POLE2: variants seen among roughly 807,000 people sequenced by gnomAD.
The protein encoded by POLE2 is DNA polymerase epsilon 2, accessory subunit.
In POLE2, 56 loss-of-function variants were observed where a neutral mutation model predicts 79.4. The observed-to-expected ratio is 0.71, with a 90% CI of 0.57 to 0.88. The LOEUF is 0.88. Ranked by LOEUF, POLE2 falls within the 40% of genes least tolerant of loss-of-function variation. The pLI is 0.00. For missense variants in POLE2, 598 were observed against 638.9 expected (o/e 0.94, Z 0.69); for synonymous variants, 212 against 214.0 (o/e 0.99, Z 0.08).
chr14:49,668,554 A>C (rs1044879718), intron 6 of POLE2, among the ~76,000 whole-genome samples: 1 of 152,216 alleles, frequency 6.6e-6, no homozygotes, highest in African/African-American at 2.4e-5. Flanking sequence ...GATATTATAC[A>C]GGTAGATAAA....
At chr14:49,687,056 C>T (rs970028422) in intron 1 of POLE2, among the ~76,000 whole-genome samples, 2 of 151,918 alleles carry the variant, frequency 1.3e-5, no homozygotes, top group South Asian at 2.1e-4. Flanking sequence ...GGCCACGGCG[C>T]GAGGACTACT....
At chr14:49,644,364 G>T (rs1883608360) in intron 18 of POLE2, among the ~76,000 whole-genome samples, 2 of 151,222 alleles carry the variant, frequency 1.3e-5, no homozygotes, top group South Asian at 4.2e-4. Flanking sequence ...TAAAAAATTA[G>T]CCAGGTATGG....
At chr14:49,657,722 G>A (rs986428457) in intron 10 of POLE2, among the ~76,000 whole-genome samples, 1 of 152,170 alleles carries the variant, frequency 6.6e-6, no homozygotes, top group Non-Finnish European at 1.5e-5. Flanking sequence ...TTACAGGCAT[G>A]AGCCACCACG....
intron 17 of POLE2, among the ~76,000 whole-genome samples, chr14:49,648,356 G>T (rs889820888): frequency 3.9e-5 from 6 of 152,190 alleles, no homozygotes; most frequent in African/African-American, 1.4e-4. Context: ...AAGATATAAT[G>T]ATGGTGTAGG....
In POLE2 at chr14:49,654,186, C is replaced by T; in HGVS notation, c.1102G>A (p.Glu368Lys). The change falls in exon 14 of 19, where the codon GAG becomes AAG. Residue 368 changes from glutamate to lysine, a missense_variant. Glu to Lys is a moderately conservative substitution (Grantham distance 56, BLOSUM62 1). Transcript: ENST00000216367. ...AAGATGGAACCAAATCCAGGATCCT[C>T]TGGACCAGGTACAAACACAAAACGA... ...SSRFVFVPGP[E>K]DPGFGSILPR... 3 of 1,611,600 alleles carry T rather than the reference C, an allele frequency of 1.9e-6. No individual in the cohort carries two copies. Among genetic ancestry groups the T allele is most frequent in the Admixed American group, 1.7e-5 (1 of 59,868 alleles).
chr14:49,674,522 A>C (rs1886119568), intron 3 of POLE2, 95 bp from the exon 4 acceptor site: 1 of 741,950 alleles, frequency 1.3e-6, no homozygotes, highest in Non-Finnish European at 2.3e-6. Context: ...TTGTAATAAC[A>C]CACTTTTCAC....
chr14:49,647,528 AC>A (rs1483850398), intron 17 of POLE2, among the ~76,000 whole-genome samples, 168 bp from the exon 18 acceptor site: 4 of 151,586 alleles, frequency 2.6e-5, no homozygotes, highest in African/African-American at 7.3e-5. Context: ...GGGCAATCTC[AC>A]TGCAACCTCC....
intron 18 of POLE2, 35 bp from the exon 19 acceptor site, chr14:49,643,705 C>G: frequency 8.7e-7 from 1 of 1,154,642 alleles, no homozygotes; most frequent in Non-Finnish European, 1.3e-6. Context: ...TATTTGGAAA[C>G]CTAAGTTGTA....
chr14:49,655,830 T>A lies in POLE2; in HGVS notation c.769A>T (p.Asn257Tyr), dbSNP rs773326667. ...PSSTTRAYYG[N>Y]INFFGGPSNT... ...GAAGGACCTCCAAAAAAATTAATAT[T>A]TCCATAGTATGCCCTAGATAATTAT... The change falls in exon 11 of 19, where the codon AAT becomes TAT. Residue 257 changes from asparagine (N) to tyrosine (Y), a missense_variant. Physicochemically the swap from Asn to Tyr is moderately radical, Grantham distance 143 (BLOSUM62 -2). Coordinates refer to ENST00000216367, the MANE Select transcript of POLE2 (RefSeq NM_002692.4). 4 of 1,503,914 alleles carry A rather than the reference T, an allele frequency of 2.7e-6. No individual in the cohort carries two copies. In the African/African-American group the frequency reaches 5.6e-5, roughly 21 times the overall value. 93.2% of individuals were successfully genotyped at this position (1,503,914 alleles called of 1,614,324 possible). A position where few individuals can be genotyped will look rare whatever the true frequency, so the allele number is the denominator to read the frequency against.
In POLE2 at chr14:49,666,248, T is replaced by G. The variant is rs1036818924; in HGVS notation, c.576+82A>C. The stretch of plus-strand genomic sequence containing the variant: ...GTTTTCAATAAAGAATACATTCCTG[T>G]GCCCACTACAAAAATGTTCTATGTA... On this transcript the variant is annotated intron_variant, in intron 7 of 18. Coordinates refer to ENST00000216367, the MANE Select transcript of POLE2 (RefSeq NM_002692.4). 1.9e-5 allele frequency: 14 copies of G among 720,574 alleles called. No individual in the cohort carries two copies. In the African/African-American group the frequency reaches 2.6e-4, roughly 13 times the overall value. The allele number at this position is 720,574 out of a possible 1,614,324, so 44.6% of individuals were successfully genotyped here.
chr14:49,660,240 C>T (rs1885004511), intron 10 of POLE2, among the ~76,000 whole-genome samples: 1 of 152,176 alleles, frequency 6.6e-6, no homozygotes, highest in African/African-American at 2.4e-5. Flanking sequence ...TACCATACAG[C>T]CTTGGTGTAC....
intron 6 of POLE2, among the ~76,000 whole-genome samples, chr14:49,667,203 A>C (rs1885551344): frequency 6.6e-6 from 1 of 151,012 alleles, no homozygotes; most frequent in Non-Finnish European, 1.5e-5. Context: ...AACAAAAAAA[A>C]CAAAAAACTT....
At position 49,660,712 on chromosome 14, in the gene POLE2, C is replaced by T. The variant is rs181355818; in HGVS notation, c.755+2603G>A. On this transcript the variant is annotated intron_variant, in intron 10 of 18. Transcript: ENST00000216367. The stretch of plus-strand genomic sequence containing the variant: ...TTCAAGACCAGCCTGACCAACATAG[C>T]GAAACCCTGTCTCTACTAAAAATAC... Among the ~76,000 whole-genome samples, 635 of 152,046 alleles carry T rather than the reference C, an allele frequency of 4.2e-3. 4 individuals carry two copies. The highest frequency in any genetic ancestry group is 0.015 in the African/African-American group (604 of 41,488).
At chr14:49,658,186 C>A (rs926753498) in intron 10 of POLE2, among the ~76,000 whole-genome samples, 1 of 152,026 alleles carries the variant, frequency 6.6e-6, no homozygotes, top group Non-Finnish European at 1.5e-5. Flanking sequence ...ATGCCATTCT[C>A]CTGCCCCAGC....
chr14:49,664,674 G>A lies in POLE2; in HGVS notation c.634C>T (p.Gln212Ter). The A allele has an allele frequency of 6.3e-7, 1 of 1,576,034 alleles. No individual in the cohort carries two copies. The highest frequency in any genetic ancestry group is 1.7e-5 in the Admixed American group (1 of 59,732). ...TCTGTGTATAAACCACTATGGAACT[G>A]GTACACAACAGTTGAGGAAAATAAT... is the stretch of plus-strand genomic sequence containing the variant. ...GTVQLDLSKAQFHSGLYTEAC... is the reference protein window; with the variant it reads ...GTVQLDLSKA The change falls in exon 9 of 19, where the codon CAG (glutamine) becomes TAG (stop). Residue 212 changes from glutamine to a stop codon, truncating the protein, a stop_gained and splice_region_variant. Coordinates refer to ENST00000216367, the MANE Select transcript of POLE2 (RefSeq NM_002692.4). LOFTEE classifies it high-confidence loss of function.
intron 10 of POLE2, among the ~76,000 whole-genome samples, chr14:49,656,196 A>G (rs1884657877): frequency 6.6e-6 from 1 of 152,050 alleles, no homozygotes; most frequent in Non-Finnish European, 1.5e-5. Flanking sequence ...TCTACTAACA[A>G]TACAAAAAAT....
chr14:49,657,424 G>T lies in POLE2; in HGVS notation c.756-1581C>A, dbSNP rs1464372117. Among the ~76,000 whole-genome samples, 4 of 151,072 alleles carry T rather than the reference G, an allele frequency of 2.6e-5. No individual in the cohort carries two copies. In the South Asian group the frequency reaches 8.3e-4, roughly 31 times the overall value. On this transcript the variant is annotated intron_variant, in intron 10 of 18. Coordinates refer to ENST00000216367, the MANE Select transcript of POLE2 (RefSeq NM_002692.4). ...TACACATACATATCTTGTTATAGTT[G>T]ATTCCTTTTTTTTTTTTTTCTTTTT...
chr14:49,665,119 G>T lies in POLE2; in HGVS notation c.621C>A (p.Asp207Glu), dbSNP rs1488195544. 2.1e-6 allele frequency: 3 copies of T among 1,396,576 alleles called. No homozygotes were observed. The highest frequency in any genetic ancestry group is 1.5e-5 in the African/African-American group (1 of 68,670). 86.5% of individuals were successfully genotyped at this position (1,396,576 alleles called of 1,614,324 possible). ...AAGTGAAGGATATAGCTTTACTAAG[G>T]TCTAGTTGGACTGTTCCAGTAGGAT... is the stretch of plus-strand genomic sequence containing the variant. Reference protein sequence around the residue: ...LEDPTGTVQLDLSKAQFHSGL... With the variant: ...LEDPTGTVQLELSKAQFHSGL... Residue 207 changes from aspartate (D) to glutamate (E), a missense_variant, in exon 8 of 19, where the codon GAC becomes GAA. Physicochemically the swap from Asp to Glu is conservative, Grantham distance 45. Coordinates refer to ENST00000216367, the MANE Select transcript of POLE2 (RefSeq NM_002692.4).
chr14:49,655,103 TAA>T lies in POLE2; in HGVS notation c.929-11_929-10del, dbSNP rs768436932. The T allele has an allele frequency of 3.6e-6, 5 of 1,398,184 alleles. No homozygotes were observed. The Admixed American group carries it at 8.2e-5, about 23-fold the overall frequency. 86.6% of individuals were successfully genotyped at this position (1,398,184 alleles called of 1,614,324 possible). On this transcript the variant is annotated splice_polypyrimidine_tract_variant and intron_variant, in intron 11 of 18. Transcript: ENST00000216367. ...AGGTGCTGGTGAATAACCTAAACAA[TAA>T]AAGAGTAAATGAACAATACTTTTCT...
Sources: allele counts gnomAD v4.1 joint callset (sites outside exome capture counted in the v4.1 genomes callset), GRCh38; gene constraint gnomAD v4.1.1; transcripts MANE v1.5; gene names NCBI Gene and HGNC (gene_info 2026-07-23, HGNC 2026-07-21).